WDR46: variants seen among roughly 807,000 people sequenced by gnomAD.
WDR46 encodes WD repeat-containing protein 46.
WDR46 carries 58 observed loss-of-function variants against 74.7 expected under a neutral mutation model. The ratio of observed to expected loss-of-function variants is 0.78; its 90% confidence interval spans 0.63 to 0.97. WDR46 has a LOEUF of 0.97. Ranked by LOEUF, WDR46 falls within the 50% of genes least tolerant of loss-of-function variation. The probability of loss-of-function intolerance (pLI) is 0.00; values close to 1 mark genes in which losing one functional copy is unlikely to be tolerated. For missense variants in WDR46, 702 were observed against 790.1 expected, an observed-to-expected ratio of 0.89 and a Z score of 1.34; for synonymous variants, 278 against 297.3, an observed-to-expected ratio of 0.93 and a Z score of 0.67.
At chr6:33,280,095 G>T (rs1341377132) in intron 12 of WDR46, among the ~76,000 whole-genome samples, 1 of 149,616 alleles carries the variant, frequency 6.7e-6, no homozygotes, top group African/African-American at 2.5e-5. Context: ...CCAGCAGGGG[G>T]GAACCTGACC....
Position 33,288,416 on chromosome 6 carries a change from C to T in WDR46, c.415G>A (p.Glu139Lys). ...GCAGCTTTGATACTTGTTTCCTCTT[C>T]CTCAGCTTCAGCCACCTCAAGTCGG... ...RSRLEVAEAE[E>K]EETSIKAARS... Residue 139 changes from glutamate (E) to lysine (K), a missense_variant, in exon 4 of 15, where the codon GAA becomes AAA. Physicochemically the swap from Glu to Lys is moderately conservative, Grantham distance 56 (BLOSUM62 1). Transcript: ENST00000374617. 9.9e-6 allele frequency: 16 copies of T among 1,614,178 alleles called. No homozygotes were observed. The highest frequency in any genetic ancestry group is 1.4e-5 in the Non-Finnish European group (16 of 1,180,050).
In WDR46 at chr6:33,279,201, T is replaced by G. The variant is rs1765890044; in HGVS notation, c.*75A>C. The G allele has an allele frequency of 6.3e-7, 1 of 1,587,224 alleles. No individual in the cohort carries two copies. ...AAGGGGCCACACTGCCCCCACCTCCTTGTTCCAGGGAACACTCATTTCCCT... is the reference window on the plus strand; with the variant it reads ...AAGGGGCCACACTGCCCCCACCTCCGTGTTCCAGGGAACACTCATTTCCCT... On this transcript the variant is annotated 3_prime_UTR_variant, in exon 15 of 15. Coordinates refer to ENST00000374617, the MANE Select transcript of WDR46 (RefSeq NM_005452.6).
chr6:33,288,495 G>A (rs1766920293), intron 3 of WDR46, 25 bp from the exon 4 acceptor site: 3 of 1,613,334 alleles, frequency 1.9e-6, no homozygotes, highest in African/African-American at 2.7e-5. Context: ...GTGGGGAGGA[G>A]TGGCAGAAGA....
rs1765891087 is a variant in WDR46 at position 33,279,220 on chromosome 6, T to C, written c.*56A>G. 1 of 1,602,678 alleles carries C rather than the reference T, an allele frequency of 6.2e-7. No homozygotes were observed. Among genetic ancestry groups the C allele is most frequent in the Non-Finnish European group, 8.5e-7 (1 of 1,171,748 alleles). On this transcript the variant is annotated 3_prime_UTR_variant, in exon 15 of 15. Transcript: ENST00000374617. ...ACCTCCTTGTTCCAGGGAACACTCA[T>C]TTCCCTACAGGTGATCTTGGGGAGA...
Position 33,289,137 on chromosome 6 carries a change from G to A in WDR46, c.34C>T (p.Pro12Ser). The A allele has an allele frequency of 1.9e-6, 3 of 1,613,376 alleles. No individual in the cohort carries two copies. Among genetic ancestry groups the A allele is most frequent in the South Asian group, 2.2e-5 (2 of 91,030 alleles). Residue 12 changes from proline (P) to serine (S), a missense_variant, in exon 1 of 15, where the codon CCG becomes TCG. Physicochemically the swap from Pro to Ser is moderately conservative, Grantham distance 74. Transcript: ENST00000374617. ...GTCTGAAGTTTGTCTTTCTTGGGCG[G>A]GACATCCTTGCCCGGCTTGGGGGCT... The part of the protein sequence containing the change: ...ETAPKPGKDV[P>S]PKKDKLQTKR...
rs761094289 is a variant in WDR46 at position 33,279,394 on chromosome 6, AG to A, written c.1735-21del. The A allele has an allele frequency of 2.5e-6, 4 of 1,612,900 alleles. No homozygotes were observed. Among genetic ancestry groups the A allele is most frequent in the Non-Finnish European group, 3.4e-6 (4 of 1,180,038 alleles). On this transcript the variant is annotated intron_variant, in intron 14 of 14. Coordinates refer to ENST00000374617, the MANE Select transcript of WDR46 (RefSeq NM_005452.6). ...CTTGTCCTGGGGACCGGAGACGGGG[AG>A]GACACAGGCACAGAGTGAGAAGTGG... is the stretch of plus-strand genomic sequence containing the variant.
chr6:33,287,579 C>T, intron 7 of WDR46, 35 bp downstream of exon 7: 1 of 1,613,790 alleles, frequency 6.2e-7, no homozygotes, highest in Non-Finnish European at 8.5e-7. Context: ...TGGACTATCT[C>T]ACCCCAACTG....
chr6:33,281,075 G>C (rs1358504842), intron 10 of WDR46, 88 bp from the exon 11 acceptor site: 10 of 1,384,480 alleles, frequency 7.2e-6, no homozygotes, highest in Non-Finnish European at 9.7e-7. Flanking sequence ...AGTCTGGCTG[G>C]GGAGAAAAAG....
Position 33,287,316 on chromosome 6 carries a change from A to C in WDR46, c.879+39T>G, listed in dbSNP as rs752003395. The C allele has an allele frequency of 1.9e-6, 3 of 1,612,662 alleles. No homozygotes were observed. In the Admixed American group the frequency reaches 5.0e-5, roughly 27 times the overall value. ...TCCTAAAGGAGAGGTGGTCATCCCA[A>C]GGGCTTCCAACCAGTTCCTGAGCTC... is the stretch of plus-strand genomic sequence containing the variant. On this transcript the variant is annotated intron_variant, in intron 8 of 14. Transcript: ENST00000374617.
chr6:33,288,218 T>A lies in WDR46; in HGVS notation c.491A>T (p.Asp164Val), dbSNP rs1157141955. The change falls in exon 5 of 15, where the codon GAT becomes GTT. Residue 164 changes from aspartate (D) to valine (V), a missense_variant. By Grantham distance (152) the Asp-to-Val change is radical. Coordinates refer to ENST00000374617, the MANE Select transcript of WDR46 (RefSeq NM_005452.6). The stretch of plus-strand genomic sequence containing the variant: ...GCATATCTTTGCTGTGTCTTCCCCA[T>A]CCTCCCCTTCCAGAAACCTGAAAGC... ...AEEPGFLEGE[D>V]GEDTAKICQA... 5 of 1,613,982 alleles carry A rather than the reference T, an allele frequency of 3.1e-6. No individual in the cohort carries two copies. Among genetic ancestry groups the A allele is most frequent in the South Asian group, 1.1e-5 (1 of 91,084 alleles).
chr6:33,279,756 C>T lies in WDR46; in HGVS notation c.1620+8G>A. 1 of 1,613,996 alleles carries T rather than the reference C, an allele frequency of 6.2e-7. No individual in the cohort carries two copies. The highest frequency in any genetic ancestry group is 1.1e-5 in the South Asian group (1 of 91,076). The stretch of plus-strand genomic sequence containing the variant: ...ACGGGCCTGGGCATTCAGGGGCCTG[C>T]TCCATACCAGCCTCTCTATCTGCTC... On this transcript the variant is annotated splice_region_variant and intron_variant, in intron 13 of 14. Coordinates refer to ENST00000374617, the MANE Select transcript of WDR46 (RefSeq NM_005452.6).
chr6:33,281,067 T>C, intron 10 of WDR46, 80 bp from the exon 11 acceptor site: 2 of 1,443,862 alleles, frequency 1.4e-6, no homozygotes, highest in South Asian at 1.3e-5. Context: ...AGGCATCAAG[T>C]CTGGCTGGGG....
At chr6:33,285,678 G>A (rs1050321926) in intron 10 of WDR46, among the ~76,000 whole-genome samples, 76 of 151,610 alleles carry the variant, frequency 5.0e-4, no homozygotes, top group Admixed American at 1.3e-3. Context: ...CCCCCGCCAC[G>A]ACACCCGGCT....
chr6:33,288,443 T>G lies in WDR46; in HGVS notation c.388A>C (p.Ser130Arg). 1 of 1,614,120 alleles carries G rather than the reference T, an allele frequency of 6.2e-7. No homozygotes were observed. The highest frequency in any genetic ancestry group is 8.5e-7 in the Non-Finnish European group (1 of 1,180,028). Residue 130 changes from serine to arginine, a missense_variant, in exon 4 of 15, where the codon AGC (serine) becomes CGC (arginine). Coordinates refer to ENST00000374617, the MANE Select transcript of WDR46 (RefSeq NM_005452.6). ...TCAGCTTCAGCCACCTCAAGTCGGC[T>G]TCGAGTTTTGGCTTTAGAATGTGGT... ...KLPHSKAKTRSRLEVAEAEEE... is the reference protein window; with the variant it reads ...KLPHSKAKTRRRLEVAEAEEE...
At position 33,283,158 on chromosome 6, in the gene WDR46, G is replaced by A. The variant is rs146482514; in HGVS notation, c.1116-2171C>T. 8.0e-3 allele frequency among the ~76,000 whole-genome samples: 1,207 copies of A among 151,790 alleles called. 14 individuals carry two copies. The highest frequency in any genetic ancestry group is 0.021 in the Admixed American group (316 of 15,256). ...CAGGAGGTGGAGGTTGCAGTGAGCCGAGACCACACCATTGCACTCCAGCCT... is the reference window on the plus strand; with the variant it reads ...CAGGAGGTGGAGGTTGCAGTGAGCCAAGACCACACCATTGCACTCCAGCCT... On this transcript the variant is annotated intron_variant, in intron 10 of 14. Coordinates refer to ENST00000374617, the MANE Select transcript of WDR46 (RefSeq NM_005452.6).
chr6:33,279,727 G>A, intron 13 of WDR46, 37 bp downstream of exon 13: 1 of 1,613,210 alleles, frequency 6.2e-7, no homozygotes, highest in Non-Finnish European at 8.5e-7. Flanking sequence ...ATGTGGGGGA[G>A]AAGACGGGCC....
Position 33,279,784 on chromosome 6 carries a change from T to C in WDR46, c.1600A>G (p.Lys534Glu), listed in dbSNP as rs752915965. The change falls in exon 13 of 15, where the codon AAG becomes GAG. Residue 534 changes from lysine (K) to glutamate (E), a missense_variant. Lys to Glu is a moderately conservative substitution (Grantham distance 56). Transcript: ENST00000374617. ...CATACCAGCCTCTCTATCTGCTCCT[T>C]CTTTCCCTGCTCCAGGGAGATGACA... is the stretch of plus-strand genomic sequence containing the variant. ...VDVISLEQGK[K>E]EQIERLGYDP... 2.5e-6 allele frequency: 4 copies of C among 1,613,998 alleles called. No individual in the cohort carries two copies. The highest frequency in any genetic ancestry group is 2.2e-5 in the East Asian group (1 of 44,882).
Position 33,279,830 on chromosome 6 carries a change from T to G in WDR46, c.1554A>C (p.Pro518=). The part of the protein sequence containing the change: ...KVPAELICLD[P]RALAEVDVIS... ...TGACATCCACCTCGGCCAGGGCTCG[T>G]GGGTCCAGACAAATAAGCTCTGCAG... Residue 518 remains proline, a synonymous_variant, in exon 13 of 15, where the codon CCA becomes CCC. Coordinates refer to ENST00000374617, the MANE Select transcript of WDR46 (RefSeq NM_005452.6). 1 of 1,614,060 alleles carries G rather than the reference T, an allele frequency of 6.2e-7. No homozygotes were observed. The highest frequency in any genetic ancestry group is 8.5e-7 in the Non-Finnish European group (1 of 1,179,982).
At position 33,287,995 on chromosome 6, in the gene WDR46, G is replaced by A. The variant is rs1766835799; in HGVS notation, c.593C>T (p.Pro198Leu). Reference sequence around the variant, plus strand: ...AGTTCGAGAGTAGTTTAGTCTGTAGGGTCCAAACTGCCGCAGATTCAAGTC... The same window carrying A: ...AGTTCGAGAGTAGTTTAGTCTGTAGAGTCCAAACTGCCGCAGATTCAAGTC... Reference protein sequence around the residue: ...HFDLNLRQFGPYRLNYSRTGR... With the variant: ...HFDLNLRQFGLYRLNYSRTGR... Residue 198 changes from proline to leucine, a missense_variant, in exon 6 of 15, where the codon CCC becomes CTC. Transcript: ENST00000374617. 7 of 1,614,016 alleles carry A rather than the reference G, an allele frequency of 4.3e-6. No homozygotes were observed. The highest frequency in any genetic ancestry group is 4.0e-5 in the African/African-American group (3 of 74,890).
Sources: gnomAD v4.1 joint callset for allele counts (sites outside exome capture counted in the v4.1 genomes callset) on GRCh38, gnomAD v4.1.1 for gene constraint, MANE v1.5 for transcripts, NCBI Gene and HGNC (gene_info 2026-07-23, HGNC 2026-07-21) for gene names.